Variants in GPHN observed in about 807,000 individuals in gnomAD.
The protein encoded by GPHN is gephyrin.
In GPHN, 17 loss-of-function variants were observed where a neutral mutation model predicts 95.5. That is an observed-to-expected ratio of 0.18 (90% confidence interval 0.12 to 0.27). GPHN has a LOEUF of 0.27. GPHN is among the 10% of genes least tolerant of loss of function. The probability of loss-of-function intolerance (pLI) is 1.00; values close to 1 mark genes in which losing one functional copy is unlikely to be tolerated. For synonymous variants in GPHN, 320 were observed against 322.5 expected, an observed-to-expected ratio of 0.99 and a Z score of 0.08; for missense variants, 660 against 978.1, an observed-to-expected ratio of 0.67 and a Z score of 4.34.
chr14:67,321,184 G>C, the GPHN span: 2 of 1,614,194 alleles, frequency 1.2e-6, no homozygotes, highest in East Asian at 4.5e-5. Context: ...AGAAGAATTT[G>C]TATGGAACTA....
chr14:66,673,161 C>T (rs1419070846), intron 1 of GPHN, among the ~76,000 whole-genome samples: 4 of 152,154 alleles, frequency 2.6e-5, no homozygotes, highest in African/African-American at 9.6e-5. Flanking sequence ...GGCGCGATCT[C>T]TGCTCACTGC....
At chr14:66,984,012 C>G (rs1243055392) in intron 9 of GPHN, among the ~76,000 whole-genome samples, 1 of 152,052 alleles carries the variant, frequency 6.6e-6, no homozygotes, top group Non-Finnish European at 1.5e-5. Context: ...AAAAAGATAC[C>G]TAATGTTGCT....
chr14:66,567,486 G>A (rs113808738), intron 1 of GPHN, among the ~76,000 whole-genome samples: 3 of 152,240 alleles, frequency 2.0e-5, no homozygotes, highest in African/African-American at 7.2e-5. Flanking sequence ...TTTGGATCTG[G>A]GATTGTAAAG....
At chr14:67,631,218 C>T in the GPHN span, among the ~76,000 whole-genome samples, 1 of 152,182 alleles carries the variant, frequency 6.6e-6, no homozygotes, top group Admixed American at 6.5e-5. Flanking sequence ...TCTCATTGCC[C>T]TTTCACATTT....
intron 4 of GPHN, among the ~76,000 whole-genome samples, chr14:66,859,675 TTAGA>T (rs1420577006): frequency 6.6e-6 from 1 of 152,178 alleles, no homozygotes; most frequent in Admixed American, 6.5e-5. Flanking sequence ...ATGTGATCTT[TTAGA>T]TAGAGAATTC....
At chr14:67,063,002 A>G (rs2075887679) in intron 11 of GPHN, among the ~76,000 whole-genome samples, 1 of 152,186 alleles carries the variant, frequency 6.6e-6, no homozygotes, top group Non-Finnish European at 1.5e-5. Flanking sequence ...GCCCATGCCT[A>G]TGTCCTGAAT....
chr14:67,643,361 G>A, the GPHN span, among the ~76,000 whole-genome samples: 1 of 152,208 alleles, frequency 6.6e-6, no homozygotes, highest in African/African-American at 2.4e-5. Flanking sequence ...GATTTCACAA[G>A]GGAATGTGAT....
At chr14:66,769,726 C>T (rs915716164) in intron 2 of GPHN, among the ~76,000 whole-genome samples, 2 of 151,930 alleles carry the variant, frequency 1.3e-5, no homozygotes, top group African/African-American at 4.8e-5. Flanking sequence ...ATTCAGTCTA[C>T]CATTGATGGG....
intron 19 of GPHN, among the ~76,000 whole-genome samples, chr14:67,164,826 G>A (rs572889129): frequency 1.3e-5 from 2 of 151,600 alleles, no homozygotes; most frequent in Non-Finnish European, 2.9e-5. Flanking sequence ...GTTGTAAATC[G>A]CCAGCAAAAG....
chr14:66,711,587 CTTTTTTTTTT>C (rs57175111), intron 2 of GPHN, among the ~76,000 whole-genome samples: 1 of 130,970 alleles, frequency 7.6e-6, no homozygotes. Flanking sequence ...AATGGTAGTT[CTTTTTTTTTT>C]TTTTTTTTAA....
intron 11 of GPHN, among the ~76,000 whole-genome samples, chr14:67,064,989 T>C (rs564327815): frequency 4.6e-5 from 7 of 152,358 alleles, no homozygotes; most frequent in African/African-American, 1.4e-4. Context: ...TGAATGTGTT[T>C]GCTCTTGCTT....
At chr14:67,002,559 A>C (rs751102370) in intron 9 of GPHN, among the ~76,000 whole-genome samples, 1 of 151,136 alleles carries the variant, frequency 6.6e-6, no homozygotes, top group Non-Finnish European at 1.5e-5. Flanking sequence ...AATTTAACAT[A>C]CTGTTTAAAG....
the GPHN span, among the ~76,000 whole-genome samples, chr14:67,524,840 G>C: frequency 6.6e-6 from 1 of 152,290 alleles, no homozygotes; most frequent in African/African-American, 2.4e-5. Flanking sequence ...GATCTGAACA[G>C]TGATCCCCAA....
At chr14:67,007,257 G>A (rs538257592) in intron 9 of GPHN, among the ~76,000 whole-genome samples, 31 of 152,058 alleles carry the variant, frequency 2.0e-4, no homozygotes, top group Middle Eastern at 3.4e-3. Context: ...CCAAAATTTG[G>A]CATTTATTTT....
At chr14:67,733,142 C>CA in the GPHN span, among the ~76,000 whole-genome samples, 41 of 145,958 alleles carry the variant, frequency 2.8e-4, 1 homozygote, top group South Asian at 2.0e-3. Flanking sequence ...TTAAAAAAAA[C>CA]AAAAAAAAAC....
chr14:66,555,393 A>C (rs2059968065), intron 1 of GPHN, among the ~76,000 whole-genome samples: 1 of 152,148 alleles, frequency 6.6e-6, no homozygotes, highest in Non-Finnish European at 1.5e-5. Flanking sequence ...AGATGTCTAC[A>C]GTTTATCACT....
the GPHN span, among the ~76,000 whole-genome samples, chr14:67,713,613 T>C: frequency 6.6e-6 from 1 of 152,146 alleles, no homozygotes; most frequent in Non-Finnish European, 1.5e-5. Flanking sequence ...TTGAGAATCC[T>C]TTTGTGGTTA....
chr14:66,660,537 C>T (rs939271639), intron 1 of GPHN, among the ~76,000 whole-genome samples: 3 of 151,752 alleles, frequency 2.0e-5, no homozygotes, highest in Admixed American at 1.3e-4. Flanking sequence ...CAAAGAATGT[C>T]GTAATTTTTT....
At chr14:66,524,488 A>G (rs2058607199) in intron 1 of GPHN, among the ~76,000 whole-genome samples, 1 of 152,064 alleles carries the variant, frequency 6.6e-6, no homozygotes, top group African/African-American at 2.4e-5. Context: ...GGAATCATTA[A>G]TTTAGTTTTT....
Sources: allele counts gnomAD v4.1 joint callset (sites outside exome capture counted in the v4.1 genomes callset), GRCh38; gene constraint gnomAD v4.1.1; transcripts MANE v1.5; gene names NCBI Gene and HGNC (gene_info 2026-07-23, HGNC 2026-07-21).